The following SYNE2 variants were observed in gnomAD, a reference collection of about 807,000 sequenced individuals.
SYNE2 encodes the protein nesprin-2.
SYNE2 carries 431 observed loss-of-function variants against 856.3 expected under a neutral mutation model. The ratio of observed to expected loss-of-function variants is 0.50; its 90% confidence interval spans 0.47 to 0.55. SYNE2 has a LOEUF of 0.55. SYNE2 is among the 20% of genes least tolerant of loss of function. The pLI, the probability that SYNE2 is intolerant of heterozygous loss-of-function variation, is 0.00. For synonymous variants in SYNE2, 2,923 were observed against 2,872.3 expected (o/e 1.02, Z -0.56); for missense variants, 8,129 against 8,023.2 (o/e 1.01, Z -0.50).
intron 55 of SYNE2, among the ~76,000 whole-genome samples, chr14:64,080,091 G>T (rs917016238): frequency 2.6e-5 from 4 of 152,212 alleles, no homozygotes; most frequent in African/African-American, 7.2e-5. Context: ...GTATGAACTA[G>T]TGTAAATAGG....
chr14:63,948,632 G>T (rs2096074457), intron 6 of SYNE2, among the ~76,000 whole-genome samples: 1 of 147,470 alleles, frequency 6.8e-6, no homozygotes, highest in Non-Finnish European at 1.5e-5. Context: ...CTGCCCTCCA[G>T]CGTGGGCGAC....
chr14:64,194,299 C>CTTCTTTTTT (rs1555538554), intron 99 of SYNE2, among the ~76,000 whole-genome samples: 1 of 148,098 alleles, frequency 6.8e-6, no homozygotes, highest in African/African-American at 2.5e-5. Context: ...CTCTTTTCTT[C>CTTCTTTTTT]TTTTTTTTTT....
At chr14:64,139,832 C>G in intron 79 of SYNE2, 109 bp from the exon 80 acceptor site, 1 of 1,070,978 alleles carries the variant, frequency 9.3e-7, no homozygotes, top group Non-Finnish European at 1.4e-6. Flanking sequence ...AATGTTAGGA[C>G]TGATCAACAT....
At chr14:63,828,211 A>G (rs1039894685) in intron 1 of SYNE2, among the ~76,000 whole-genome samples, 6 of 152,022 alleles carry the variant, frequency 3.9e-5, no homozygotes, top group African/African-American at 1.4e-4. Context: ...GAAAAAATAC[A>G]TATTTGGGAA....
At chr14:64,212,287 A>G (rs1196696724) in intron 104 of SYNE2, among the ~76,000 whole-genome samples, 189 bp downstream of exon 104, 2 of 152,176 alleles carry the variant, frequency 1.3e-5, no homozygotes, top group African/African-American at 2.4e-5. Flanking sequence ...GTCCAGGAGT[A>G]TGGGTGTCAC....
chr14:63,869,636 C>CA (rs35258750), intron 1 of SYNE2, among the ~76,000 whole-genome samples: 4,942 of 77,274 alleles, frequency 0.064, 354 homozygotes, highest in African/African-American at 0.17. Context: ...AACTTTGTCT[C>CA]AAAAAAAAAA....
intron 96 of SYNE2, among the ~76,000 whole-genome samples, chr14:64,184,490 C>G (rs78491500): frequency 0.025 from 3,830 of 152,234 alleles, 133 homozygotes; most frequent in African/African-American, 0.086. Context: ...TCAAACCAAA[C>G]TGATTGAAAC....
At chr14:63,883,714 A>G (rs2094917756) in intron 1 of SYNE2, among the ~76,000 whole-genome samples, 1 of 152,222 alleles carries the variant, frequency 6.6e-6, no homozygotes, top group African/African-American at 2.4e-5. Context: ...ATACAAGAAA[A>G]ATTACATTGG....
rs1412269882 is a variant in SYNE2, at chr14:64,002,876, G to A, written c.3943G>A (p.Val1315Met). ...ACAATTTGAAGGAATGAACCACAGG[G>A]TGCAGAGGAGTGAAGATACTCTCAA... is the stretch of plus-strand genomic sequence containing the variant. Reference protein sequence around the residue: ...KTQFEGMNHRVQRSEDTLKAL... With the variant: ...KTQFEGMNHRMQRSEDTLKAL... Residue 1315 changes from valine to methionine, a missense_variant, in exon 30 of 116, where the codon GTG becomes ATG. Transcript: ENST00000555002. 1 of 1,614,148 alleles carries A rather than the reference G, an allele frequency of 6.2e-7. No homozygotes were observed. The highest frequency in any genetic ancestry group is 2.2e-5 in the East Asian group (1 of 44,886).
chr14:63,980,254 C>T lies in SYNE2; in HGVS notation c.1570-400C>T, dbSNP rs114314493. ...GTGATGGATATCTTTTTGTAACGTACGCTAATATATCTAAAAAGATTACTC... is the reference window on the plus strand; with the variant it reads ...GTGATGGATATCTTTTTGTAACGTATGCTAATATATCTAAAAAGATTACTC... On this transcript the variant is annotated intron_variant, in intron 14 of 115. Transcript: ENST00000555002. Among the ~76,000 whole-genome samples the T allele has an allele frequency of 4.9e-4, 74 of 152,088 alleles. 1 individual carries two copies. The highest frequency in any genetic ancestry group is 1.7e-3 in the African/African-American group (72 of 41,470).
chr14:63,789,400 C>T (rs1284428669), intron 1 of SYNE2, among the ~76,000 whole-genome samples: 2 of 152,106 alleles, frequency 1.3e-5, no homozygotes, highest in Admixed American at 1.3e-4. Context: ...AGTAAAGATA[C>T]GAAGGAATTT....
intron 52 of SYNE2, among the ~76,000 whole-genome samples, chr14:64,072,086 C>G (rs1398694087): frequency 6.6e-6 from 1 of 152,162 alleles, no homozygotes; most frequent in Non-Finnish European, 1.5e-5. Flanking sequence ...AACCAAGCCC[C>G]TAATAAGGAA....
chr14:64,027,839 A>G lies in SYNE2; in HGVS notation c.6714+46A>G, dbSNP rs576328410. ...CTTTAAATGATTGTTCTAATTATACATAAGTATGCAAGACATATGTGGAAC... is the reference window on the plus strand; with the variant it reads ...CTTTAAATGATTGTTCTAATTATACGTAAGTATGCAAGACATATGTGGAAC... On this transcript the variant is annotated intron_variant, in intron 43 of 115. Transcript: ENST00000555002. 6.4e-5 allele frequency: 91 copies of G among 1,431,034 alleles called. No individual in the cohort carries two copies. In the East Asian group the frequency reaches 1.1e-3, roughly 17 times the overall value. 88.6% of individuals were successfully genotyped at this position (1,431,034 alleles called of 1,614,324 possible).
chr14:64,054,720 C>T (rs2097255556), intron 48 of SYNE2, among the ~76,000 whole-genome samples: 1 of 152,154 alleles, frequency 6.6e-6, no homozygotes, highest in Admixed American at 6.5e-5. Flanking sequence ...CCTTCCCTTC[C>T]TTTTGGTAGA....
rs1442229550 is a variant in SYNE2 at position 64,016,631 on chromosome 14, T to C, written c.4887T>C (p.Asp1629=). The C allele has an allele frequency of 1.3e-6, 2 of 1,583,228 alleles. No homozygotes were observed. The highest frequency in any genetic ancestry group is 1.3e-5 in the African/African-American group (1 of 74,186). Reference sequence around the variant, plus strand: ...ATATTATTGTGGATAGATGGCTTGATGTAAGTGATAATTTCATTGATTGCA... The same window carrying C: ...ATATTATTGTGGATAGATGGCTTGACGTAAGTGATAATTTCATTGATTGCA... ...EANIIVDRWL[D]INEKTEDYYE... Residue 1629 remains aspartate (D), a splice_region_variant and synonymous_variant, in exon 33 of 116, where the codon GAT becomes GAC. Transcript: ENST00000555002.
Position 63,795,814 on chromosome 14 carries a change from A to T in SYNE2, c.-305+33828A>T, listed in dbSNP as rs552497819. On this transcript the variant is annotated intron_variant, in intron 1 of 23. Transcript: ENST00000674003. ...GCATGTCTACAGAATACAATTAAAG[A>T]GAACAAACTATTAACACAATGTGGA... is the stretch of plus-strand genomic sequence containing the variant. 1.4e-4 allele frequency among the ~76,000 whole-genome samples: 21 copies of T among 152,344 alleles called. No homozygotes were observed. The South Asian group carries it at 4.4e-3, about 32-fold the overall frequency.
chr14:63,999,009 C>G lies in SYNE2; in HGVS notation c.3449C>G (p.Ser1150Cys), dbSNP rs2096734133. 6.2e-7 allele frequency: 1 copy of G among 1,613,894 alleles called. No homozygotes were observed. Among genetic ancestry groups the G allele is most frequent in the East Asian group, 2.2e-5 (1 of 44,862 alleles). The change falls in exon 27 of 116, where the codon TCT (serine) becomes TGT (cysteine). Residue 1150 changes from serine (S) to cysteine (C), a missense_variant. By Grantham distance (112) the Ser-to-Cys change is moderately radical. This residue lies in a region of SYNE2 where 2,422 missense variants were observed against 2,357.4 expected (regional missense o/e 1.03). Coordinates refer to ENST00000555002, the MANE Select transcript of SYNE2 (RefSeq NM_182914.3). ...TCTAGTGAAGAGGACAGGAGTAGTT[C>G]TTGTCTGCAGGCTAAACTGACAGAT... ...DFSSEEDRSSSCLQAKLTDLQ... is the reference protein window; with the variant it reads ...DFSSEEDRSSCCLQAKLTDLQ...
chr14:64,033,780 G>A (rs2097061929), intron 45 of SYNE2, among the ~76,000 whole-genome samples: 1 of 152,142 alleles, frequency 6.6e-6, no homozygotes, highest in African/African-American at 2.4e-5. Flanking sequence ...ACAAATTTAA[G>A]GGTTATTGAT....
Position 64,010,091 on chromosome 14 carries a change from A to G in SYNE2, c.4703A>G (p.Glu1568Gly). The change falls in exon 32 of 116, where the codon GAG (glutamate) becomes GGG (glycine). Residue 1568 changes from glutamate to glycine, a missense_variant. Around this residue, in one of 3 missense-constraint regions of SYNE2, gnomAD observed 2,422 missense variants for 2,357.4 expected, o/e 1.03. Coordinates refer to ENST00000555002, the MANE Select transcript of SYNE2 (RefSeq NM_182914.3). ...ISLQASYMGK[E>G]NLKKRIAEIE... is the part of the protein sequence containing the mutation. ...CTGCAGGCTTCGTACATGGGAAAGG[A>G]GAACCTGAAGAAAAGGATAGCAGAG... is the stretch of plus-strand genomic sequence containing the variant. 6.2e-7 allele frequency: 1 copy of G among 1,613,380 alleles called. No individual in the cohort carries two copies.
Sources: allele counts gnomAD v4.1 joint callset (sites outside exome capture counted in the v4.1 genomes callset), GRCh38; gene constraint gnomAD v4.1.1; regional missense constraint gnomAD v4.1.1; transcripts MANE v1.5; gene names NCBI Gene and HGNC (gene_info 2026-07-23, HGNC 2026-07-21).